Variants in DROSHA observed in about 807,000 individuals in gnomAD.
The protein encoded by DROSHA is ribonuclease 3.
In DROSHA, 56 loss-of-function variants were observed where a neutral mutation model predicts 181.9. The ratio of observed to expected loss-of-function variants is 0.31; its 90% CI spans 0.25 to 0.38. The LOEUF (loss-of-function observed/expected upper bound fraction) is 0.38, where lower values mean the gene tolerates loss of function less well. DROSHA is among the 10% of genes least tolerant of loss of function. The probability of loss-of-function intolerance (pLI) is 1.00; values close to 1 mark genes in which losing one functional copy is unlikely to be tolerated. For missense variants in DROSHA, 1,218 were observed against 1,743.5 expected (o/e 0.70, Z 5.37); for synonymous variants, 524 against 591.2 (o/e 0.89, Z 1.65).
chr5:31,526,151 T>C lies in DROSHA; in HGVS notation c.782A>G (p.Gln261Arg), dbSNP rs544823531. ...ATAATCAGATCTGTACCGGCTGTCT[T>C]GTCTTCTCCTGTCGGGACTGCGGCC... ...ERGRSPDRRR[Q>R]DSRYRSDYDR... The change falls in exon 5 of 36, where the codon CAA (glutamine) becomes CGA (arginine). Residue 261 changes from glutamine (Q) to arginine (R), a missense_variant. Coordinates refer to ENST00000344624, the MANE Select transcript of DROSHA (RefSeq NM_001382508.1). 9.5e-5 allele frequency: 154 copies of C among 1,613,856 alleles called. 1 individual carries two copies. The South Asian group carries it at 1.6e-3, about 17-fold the overall frequency.
At chr5:31,446,808 G>A (rs181659211) in intron 23 of DROSHA, among the ~76,000 whole-genome samples, 3 of 152,194 alleles carry the variant, frequency 2.0e-5, no homozygotes, top group Non-Finnish European at 2.9e-5. Context: ...GGGAGCCCAA[G>A]GCAGATGGAT....
intron 24 of DROSHA, among the ~76,000 whole-genome samples, chr5:31,436,741 AACACACACACAC>A (rs58046266): frequency 0.13 from 17,484 of 137,684 alleles, 1,196 homozygotes; most frequent in East Asian, 0.19. Context: ...TCTGGAGAGA[AACACACACACAC>A]ACACACACAC....
intron 16 of DROSHA, among the ~76,000 whole-genome samples, chr5:31,475,689 G>A (rs1328571329): frequency 6.6e-6 from 1 of 152,172 alleles, no homozygotes; most frequent in Non-Finnish European, 1.5e-5. Flanking sequence ...AAGAGTACCA[G>A]GGACTTTAAG....
At chr5:31,408,986 C>T in intron 33 of DROSHA, 70 bp downstream of exon 33, 13 of 1,419,858 alleles carry the variant, frequency 9.2e-6, no homozygotes, top group Middle Eastern at 1.8e-4. Context: ...ACTCATTCTT[C>T]AAGGCACATG....
intron 16 of DROSHA, among the ~76,000 whole-genome samples, chr5:31,478,325 A>G (rs897414225): frequency 1.3e-5 from 2 of 152,202 alleles, no homozygotes; most frequent in African/African-American, 4.8e-5. Flanking sequence ...TCCAAAAAAA[A>G]CTCAAAATGT....
intron 17 of DROSHA, among the ~76,000 whole-genome samples, chr5:31,471,594 C>T (rs1209454672): frequency 2.6e-5 from 4 of 151,774 alleles, no homozygotes; most frequent in South Asian, 2.1e-4. Flanking sequence ...AAGAAGGCTA[C>T]AAAAAAGATC....
At chr5:31,446,850 G>A (rs186180549) in intron 23 of DROSHA, among the ~76,000 whole-genome samples, 195 of 152,240 alleles carry the variant, frequency 1.3e-3, no homozygotes, top group African/African-American at 4.5e-3. Context: ...GACCAGCCTG[G>A]CCAACATGGC....
At chr5:31,520,632 G>C (rs532911411) in intron 6 of DROSHA, among the ~76,000 whole-genome samples, 2 of 152,036 alleles carry the variant, frequency 1.3e-5, no homozygotes, top group African/African-American at 4.8e-5. Flanking sequence ...AACTGACCCC[G>C]AATCTGTCAG....
intron 9 of DROSHA, among the ~76,000 whole-genome samples, chr5:31,509,983 T>C (rs1738477140): frequency 6.7e-6 from 1 of 149,960 alleles, no homozygotes; most frequent in Non-Finnish European, 1.5e-5. Flanking sequence ...TGTTGAACCC[T>C]ATTGAACTGT....
At chr5:31,442,435 T>C (rs1745707049) in intron 23 of DROSHA, among the ~76,000 whole-genome samples, 1 of 152,180 alleles carries the variant, frequency 6.6e-6, no homozygotes, top group Non-Finnish European at 1.5e-5. Context: ...TTAATCACCC[T>C]CTTTATAAAT....
Position 31,421,273 on chromosome 5 carries a change from G to C in DROSHA, c.3524C>G (p.Thr1175Ser). Residue 1175 changes from threonine (T) to serine (S), a missense_variant and splice_region_variant, in exon 30 of 36, where the codon ACT becomes AGT. Thr to Ser is a moderately conservative substitution (Grantham distance 58). Coordinates refer to ENST00000344624, the MANE Select transcript of DROSHA (RefSeq NM_001382508.1). ...HFPDHHEGHL[T>S]LLRSSLVNNR... The stretch of plus-strand genomic sequence containing the variant: ...GAGGAAGTGATTTAACCAACTCACA[G>C]TTAAGTGTCCTTCATGATGATCTGG... 1 of 1,612,140 alleles carries C rather than the reference G, an allele frequency of 6.2e-7. No individual in the cohort carries two copies. Among genetic ancestry groups the C allele is most frequent in the Non-Finnish European group, 8.5e-7 (1 of 1,178,388 alleles).
At chr5:31,519,792 TA>T (rs1739678829) in intron 6 of DROSHA, among the ~76,000 whole-genome samples, 1 of 152,018 alleles carries the variant, frequency 6.6e-6, no homozygotes, top group Non-Finnish European at 1.5e-5. Context: ...AAAAGGTAAG[TA>T]CTGAGATAAC....
At chr5:31,404,624 A>G (rs1434895482) in intron 35 of DROSHA, among the ~76,000 whole-genome samples, 1 of 152,210 alleles carries the variant, frequency 6.6e-6, no homozygotes, top group Admixed American at 6.5e-5. Context: ...TCTGCTGTGC[A>G]GCACAACAGA....
At chr5:31,457,144 T>TTTA (rs1554031624) in intron 20 of DROSHA, among the ~76,000 whole-genome samples, 1 of 146,608 alleles carries the variant, frequency 6.8e-6, no homozygotes, top group African/African-American at 2.6e-5. Flanking sequence ...TTTTTTTTTT[T>TTTA]ATGGAGTCTT....
chr5:31,531,785 T>G (rs1005702801), intron 1 of DROSHA, among the ~76,000 whole-genome samples: 1 of 152,052 alleles, frequency 6.6e-6, no homozygotes, highest in African/African-American at 2.4e-5. Flanking sequence ...GCTCCACAAA[T>G]GAATGAAAGG....
At chr5:31,469,866 T>A (rs1749538147) in intron 17 of DROSHA, among the ~76,000 whole-genome samples, 1 of 152,250 alleles carries the variant, frequency 6.6e-6, no homozygotes, top group Non-Finnish European at 1.5e-5. Context: ...TTAATTCTTT[T>A]AAGTTCTGCA....
At chr5:31,510,312 G>C (rs939481541) in intron 9 of DROSHA, among the ~76,000 whole-genome samples, 2 of 152,114 alleles carry the variant, frequency 1.3e-5, no homozygotes, top group Non-Finnish European at 2.9e-5. Flanking sequence ...TATCAAGTAG[G>C]TGGTAGAGCA....
intron 18 of DROSHA, among the ~76,000 whole-genome samples, chr5:31,466,812 A>G (rs908867107): frequency 1.3e-5 from 2 of 152,198 alleles, no homozygotes; most frequent in African/African-American, 4.8e-5. Flanking sequence ...TAAAAGACTA[A>G]TGGTGTATAC....
At chr5:31,487,338 T>G (rs985943214) in intron 13 of DROSHA, among the ~76,000 whole-genome samples, 1 of 152,188 alleles carries the variant, frequency 6.6e-6, no homozygotes, top group Non-Finnish European at 1.5e-5. Flanking sequence ...TCAAGATACA[T>G]GTGAAAATGA....
Sources: gnomAD v4.1 joint callset for allele counts (sites outside exome capture counted in the v4.1 genomes callset) on GRCh38, gnomAD v4.1.1 for gene constraint, MANE v1.5 for transcripts, NCBI Gene and HGNC (gene_info 2026-07-23, HGNC 2026-07-21) for gene names.